DIAPH3: variants seen among roughly 807,000 people sequenced by gnomAD.
The protein encoded by DIAPH3 is protein diaphanous homolog 3.
In DIAPH3, 117 loss-of-function variants were observed where a neutral mutation model predicts 144.3. The observed-to-expected ratio is 0.81, with a 90% confidence interval of 0.70 to 0.95. The LOEUF (loss-of-function observed/expected upper bound fraction) is 0.95. DIAPH3 is among the 40% of genes least tolerant of loss of function. DIAPH3 has a pLI of 0.00. For synonymous variants in DIAPH3, 519 were observed against 488.9 expected (o/e 1.06, Z -0.81); for missense variants, 1,421 against 1,412.7 (o/e 1.01, Z -0.09).
intron 1 of DIAPH3, among the ~76,000 whole-genome samples, chr13:60,157,934 C>T (rs990224830): frequency 6.6e-6 from 1 of 152,154 alleles, no homozygotes; most frequent in African/African-American, 2.4e-5. Flanking sequence ...CCATTTGTGG[C>T]TCCTTCTCCT....
chr13:59,917,889 C>CAAAAAAAA (rs60792156), intron 18 of DIAPH3, among the ~76,000 whole-genome samples: 2 of 18,644 alleles, frequency 1.1e-4, no homozygotes, highest in Non-Finnish European at 2.2e-4. Context: ...GACTCTGTCT[C>CAAAAAAAA]AAAAAAAAAA....
intron 3 of DIAPH3, among the ~76,000 whole-genome samples, chr13:60,103,678 G>T (rs1259563053): frequency 6.6e-6 from 1 of 152,016 alleles, no homozygotes; most frequent in African/African-American, 2.4e-5. Flanking sequence ...TTTGTTTTAG[G>T]GGTTAAAGCC....
At chr13:59,705,850 C>T (rs2034391544) in intron 27 of DIAPH3, among the ~76,000 whole-genome samples, 1 of 152,042 alleles carries the variant, frequency 6.6e-6, no homozygotes, top group Non-Finnish European at 1.5e-5. Context: ...GGTTTAAATG[C>T]ACAACTTTCC....
chr13:59,930,710 A>C lies in DIAPH3; in HGVS notation c.2075-5840T>G, dbSNP rs543485230. On this transcript the variant is annotated intron_variant, in intron 17 of 27. Coordinates refer to ENST00000400324, the MANE Select transcript of DIAPH3 (RefSeq NM_001042517.2). ...CTAATGAGGAGCCACTGAAGATTTA[A>C]GCACATGAGACATCAGGATAACTAT... 2.6e-5 allele frequency among the ~76,000 whole-genome samples: 4 copies of C among 152,306 alleles called. No homozygotes were observed. In the East Asian group the frequency reaches 7.7e-4, roughly 29 times the overall value.
intron 2 of DIAPH3, 97 bp from the exon 3 acceptor site, chr13:60,112,283 T>C: frequency 2.2e-6 from 3 of 1,388,728 alleles, no homozygotes; most frequent in South Asian, 1.2e-5. Flanking sequence ...CCAATCGTGT[T>C]ATCATTGTGA....
chr13:59,855,407 G>T, intron 22 of DIAPH3, among the ~76,000 whole-genome samples: 1 of 151,638 alleles, frequency 6.6e-6, no homozygotes, highest in Non-Finnish European at 1.5e-5. Context: ...GTAAGTATAT[G>T]CAAACATATA....
At chr13:59,804,883 A>G (rs1001272966) in intron 25 of DIAPH3, among the ~76,000 whole-genome samples, 3 of 152,166 alleles carry the variant, frequency 2.0e-5, no homozygotes, top group East Asian at 3.8e-4. Context: ...CGTTAATTGC[A>G]TATCTGTTGA....
At chr13:59,890,019 G>A (rs1344994373) in intron 20 of DIAPH3, among the ~76,000 whole-genome samples, 1 of 152,096 alleles carries the variant, frequency 6.6e-6, no homozygotes, top group Non-Finnish European at 1.5e-5. Context: ...TGCTAATGAA[G>A]TGTTAAGATG....
intron 17 of DIAPH3, among the ~76,000 whole-genome samples, chr13:59,931,013 T>C (rs1479442504): frequency 2.0e-5 from 3 of 152,208 alleles, no homozygotes; most frequent in Non-Finnish European, 2.9e-5. Flanking sequence ...GGATGTCTAA[T>C]GAGCACCTGT....
intron 24 of DIAPH3, among the ~76,000 whole-genome samples, chr13:59,823,900 C>G (rs1288460422): frequency 6.6e-6 from 1 of 152,072 alleles, no homozygotes; most frequent in African/African-American, 2.4e-5. Context: ...TCGGAGAATT[C>G]AGTAGAATAA....
intron 27 of DIAPH3, among the ~76,000 whole-genome samples, chr13:59,676,511 C>T (rs1367198728): frequency 6.6e-6 from 1 of 152,130 alleles, no homozygotes; most frequent in Non-Finnish European, 1.5e-5. Flanking sequence ...TCAACTGTTC[C>T]TTCAGTGATC....
At chr13:59,939,892 G>A (rs977251196) in intron 17 of DIAPH3, among the ~76,000 whole-genome samples, 2 of 149,784 alleles carry the variant, frequency 1.3e-5, no homozygotes, top group Non-Finnish European at 3.0e-5. Flanking sequence ...AATCCCACAG[G>A]AAAAATGGAG....
chr13:60,107,652 C>T (rs939290443), intron 3 of DIAPH3, among the ~76,000 whole-genome samples: 1 of 152,076 alleles, frequency 6.6e-6, no homozygotes, highest in Non-Finnish European at 1.5e-5. Context: ...TAAGAGATGA[C>T]GATGGCATTT....
intron 5 of DIAPH3, among the ~76,000 whole-genome samples, chr13:60,021,851 C>T (rs752474548): frequency 2.6e-5 from 4 of 151,970 alleles, no homozygotes; most frequent in Non-Finnish European, 5.9e-5. Context: ...TTGGGTTCTG[C>T]CAATAACCCA....
chr13:59,965,542 A>G (rs1594151431), intron 17 of DIAPH3, among the ~76,000 whole-genome samples: 1 of 21,376 alleles, frequency 4.7e-5, no homozygotes, highest in Admixed American at 8.1e-4. Flanking sequence ...AATCTGGTAA[A>G]AAAAAAAAAA....
chr13:59,835,681 G>A (rs1170697374), intron 23 of DIAPH3, among the ~76,000 whole-genome samples: 1 of 151,578 alleles, frequency 6.6e-6, no homozygotes, highest in Non-Finnish European at 1.5e-5. Flanking sequence ...TAATTCAAGA[G>A]AAGAAAAATC....
Position 60,112,307 on chromosome 13 carries a change from C to T in DIAPH3, c.214-121G>A, listed in dbSNP as rs1041004917. The T allele has an allele frequency of 2.6e-6, 3 of 1,136,880 alleles. No homozygotes were observed. The South Asian group carries it at 4.0e-5, about 15-fold the overall frequency. The allele number at this position is 1,136,880 out of a possible 1,614,324, so 70.4% of individuals were successfully genotyped here. ...TTATCATTGTGATTTCATCAAGAGG[C>T]ATTCAGCATTGGAATATTTAAAATT... is the stretch of plus-strand genomic sequence containing the variant. On this transcript the variant is annotated intron_variant, in intron 2 of 27. Transcript: ENST00000400324.
intron 25 of DIAPH3, among the ~76,000 whole-genome samples, chr13:59,808,851 G>T (rs947586948): frequency 5.3e-5 from 8 of 152,156 alleles, no homozygotes; most frequent in African/African-American, 1.9e-4. Flanking sequence ...AAAACTGAAA[G>T]AACAGTGTGC....
At chr13:59,872,067 AATTTCATTG>A (rs2044313822) in intron 21 of DIAPH3, among the ~76,000 whole-genome samples, 1 of 152,126 alleles carries the variant, frequency 6.6e-6, no homozygotes, top group Non-Finnish European at 1.5e-5. Flanking sequence ...TTTCTGTATC[AATTTCATTG>A]ATATCTGCTC....
Sources: allele counts gnomAD v4.1 joint callset (sites outside exome capture counted in the v4.1 genomes callset), GRCh38; gene constraint gnomAD v4.1.1; transcripts MANE v1.5; gene names NCBI Gene and HGNC (gene_info 2026-07-23, HGNC 2026-07-21).